FUT9: variants seen among roughly 807,000 people sequenced by gnomAD.
FUT9 encodes 4-galactosyl-N-acetylglucosaminide 3-alpha-L-fucosyltransferase 9.
In FUT9, 15 loss-of-function variants were observed where a neutral mutation model predicts 29.7. The ratio of observed to expected loss-of-function variants is 0.51; its 90% CI spans 0.34 to 0.78. FUT9 has a LOEUF of 0.78. Ranked by LOEUF, FUT9 falls within the 30% of genes least tolerant of loss-of-function variation. FUT9 has a pLI of 0.01. For missense variants in FUT9, 319 were observed against 425.4 expected, an observed-to-expected ratio of 0.75 and a Z score of 2.20; for synonymous variants, 169 against 153.7, an observed-to-expected ratio of 1.10 and a Z score of -0.74.
intron 2 of FUT9, among the ~76,000 whole-genome samples, chr6:96,196,084 T>C (rs6915664): frequency 0.91 from 138,834 of 152,114 alleles, 64,710 homozygotes; most frequent in Non-Finnish European, 1. Flanking sequence ...ATACTTTGGA[T>C]CCTGGAATAT....
intron 1 of FUT9, among the ~76,000 whole-genome samples, chr6:96,042,258 C>A (rs77771018): frequency 6.6e-6 from 1 of 152,108 alleles, no homozygotes; most frequent in Non-Finnish European, 1.5e-5. Flanking sequence ...TATCAGAAAC[C>A]CTAACCTTAA....
chr6:96,175,897 T>C (rs923843027), intron 2 of FUT9, among the ~76,000 whole-genome samples: 2 of 152,212 alleles, frequency 1.3e-5, no homozygotes, highest in Non-Finnish European at 2.9e-5. Flanking sequence ...AGACTGGCTT[T>C]TCATCAATGG....
At chr6:96,024,822 C>T (rs1168375792) in intron 1 of FUT9, among the ~76,000 whole-genome samples, 1 of 151,748 alleles carries the variant, frequency 6.6e-6, no homozygotes, top group East Asian at 1.9e-4. Context: ...CAATCCAGGC[C>T]ATTAAGAGCC....
chr6:96,179,131 T>C (rs899933742), intron 2 of FUT9, among the ~76,000 whole-genome samples: 2 of 152,152 alleles, frequency 1.3e-5, no homozygotes, highest in Admixed American at 6.6e-5. Context: ...CATCCCGTAT[T>C]GTATATGACC....
At chr6:96,096,684 A>ATTGTGTGTGTGTGTGTG (rs1554192320) in intron 1 of FUT9, among the ~76,000 whole-genome samples, 5 of 140,766 alleles carry the variant, frequency 3.6e-5, no homozygotes, top group Non-Finnish European at 6.1e-5. Context: ...TGTCTAAGGC[A>ATTGTGTGTGTGTGTGTG]TGTGTGTGTG....
chr6:96,089,433 G>A (rs1771374443), intron 1 of FUT9, among the ~76,000 whole-genome samples: 2 of 152,210 alleles, frequency 1.3e-5, no homozygotes, highest in South Asian at 4.2e-4. Flanking sequence ...GAAGTTATAG[G>A]GCTTGTTTGC....
In FUT9 at chr6:96,164,167, A is replaced by G. The variant is rs751450391; in HGVS notation, c.-8-38981A>G. Among the ~76,000 whole-genome samples the G allele has an allele frequency of 1.1e-4, 17 of 151,850 alleles. No homozygotes were observed. In the South Asian group the frequency reaches 2.5e-3, roughly 22 times the overall value. The stretch of plus-strand genomic sequence containing the variant: ...TGTATTCAAAGATTTTCTGAATAGC[A>G]ATTGGATGAAAGAGTTTCTCTAAAG... On this transcript the variant is annotated intron_variant, in intron 2 of 2. Coordinates refer to ENST00000302103, the MANE Select transcript of FUT9 (RefSeq NM_006581.4).
chr6:96,209,445 ACT>A lies in FUT9; in HGVS notation c.*5211_*5212del, dbSNP rs1247075792. 1 of 166,888 alleles carries A rather than the reference ACT, an allele frequency of 6.0e-6. No homozygotes were observed. The highest frequency in any genetic ancestry group is 1.5e-5 in the Non-Finnish European group (1 of 68,046). 10.3% of individuals were successfully genotyped at this position (166,888 alleles called of 1,614,324 possible). A position where few individuals can be genotyped will look rare whatever the true frequency, so the allele number is the denominator to read the frequency against. On this transcript the variant is annotated 3_prime_UTR_variant, in exon 3 of 3. Coordinates refer to ENST00000302103, the MANE Select transcript of FUT9 (RefSeq NM_006581.4). ...TCTATGACTTTTGAACTCACTGCTC[ACT>A]GACATCTTAATTGCCTGCAGAAAAA... is the stretch of plus-strand genomic sequence containing the variant.
intron 2 of FUT9, among the ~76,000 whole-genome samples, chr6:96,114,481 A>G (rs946050950): frequency 1.3e-5 from 2 of 151,804 alleles, no homozygotes; most frequent in African/African-American, 2.4e-5. Flanking sequence ...TTATGTTCTC[A>G]ATATAATTTG....
In FUT9 at chr6:96,212,975, TG is replaced by T. The variant is rs1773967881; in HGVS notation, c.*8741del. The T allele has an allele frequency of 6.0e-6, 1 of 166,950 alleles. No individual in the cohort carries two copies. The highest frequency in any genetic ancestry group is 1.9e-4 in the East Asian group (1 of 5,206). The allele number at this position is 166,950 out of a possible 1,614,324, so 10.3% of individuals were successfully genotyped here. A position where few individuals can be genotyped will look rare whatever the true frequency, so the allele number is the denominator to read the frequency against. On this transcript the variant is annotated 3_prime_UTR_variant, in exon 3 of 3. Transcript: ENST00000302103. ...AGATTTTTAATCTGTAAAAGGAGTG[TG>T]ATGGACTGTACATTAGAAGTACCTG...
chr6:96,203,790 G>A lies in FUT9; in HGVS notation c.635G>A (p.Ser212Asn), dbSNP rs752800996. 5 of 1,613,814 alleles carry A rather than the reference G, an allele frequency of 3.1e-6. No individual in the cohort carries two copies. Among genetic ancestry groups the A allele is most frequent in the East Asian group, 2.2e-5 (1 of 44,862 alleles). ...AAGTATTACAATGAGCTAAGCAAAAGCATTGAAATCCATACCTACGGGCAA... is the reference window on the plus strand; with the variant it reads ...AAGTATTACAATGAGCTAAGCAAAAACATTGAAATCCATACCTACGGGCAA... ...RVKYYNELSK[S>N]IEIHTYGQAF... Residue 212 changes from serine to asparagine, a missense_variant, in exon 3 of 3, where the codon AGC becomes AAC. By Grantham distance (46) the Ser-to-Asn change is conservative (BLOSUM62 1). Transcript: ENST00000302103.
At chr6:96,080,556 A>G (rs1387331417) in intron 1 of FUT9, among the ~76,000 whole-genome samples, 3 of 152,046 alleles carry the variant, frequency 2.0e-5, no homozygotes, top group Non-Finnish European at 4.4e-5. Context: ...TGGGAAAATT[A>G]TGATAAAAAT....
chr6:96,183,944 G>A (rs60268488), intron 2 of FUT9, among the ~76,000 whole-genome samples: 63,528 of 151,812 alleles, frequency 0.42, 14,320 homozygotes, highest in South Asian at 0.71. Context: ...GTATTAGGGT[G>A]ATACTGGCTT....
chr6:96,099,458 C>A (rs973980145), intron 1 of FUT9, among the ~76,000 whole-genome samples: 12 of 151,802 alleles, frequency 7.9e-5, no homozygotes, highest in Admixed American at 2.6e-4. Context: ...TTTTGTATTT[C>A]TTTTTAAAAG....
At chr6:96,078,420 T>C (rs1465970287) in intron 1 of FUT9, among the ~76,000 whole-genome samples, 3 of 97,360 alleles carry the variant, frequency 3.1e-5, no homozygotes, top group Non-Finnish European at 6.7e-5. Context: ...TTTTTTTTTT[T>C]TTTTTTTTTT....
At chr6:96,019,833 A>G (rs1417516646) in intron 1 of FUT9, among the ~76,000 whole-genome samples, 2 of 152,118 alleles carry the variant, frequency 1.3e-5, no homozygotes, top group African/African-American at 2.4e-5. Context: ...CTGTTACTCT[A>G]CTAATGACTT....
chr6:96,153,588 A>G (rs1772722340), intron 2 of FUT9, among the ~76,000 whole-genome samples: 2 of 152,194 alleles, frequency 1.3e-5, no homozygotes, highest in African/African-American at 4.8e-5. Flanking sequence ...TTTCTGCTAC[A>G]ATGGTATCTG....
intron 1 of FUT9, among the ~76,000 whole-genome samples, chr6:96,049,162 G>A (rs1385945133): frequency 4.6e-5 from 7 of 152,150 alleles, no homozygotes; most frequent in South Asian, 4.1e-4. Context: ...AAGTCAGAAA[G>A]TAATGGATAG....
At chr6:96,146,656 A>G (rs1772572818) in intron 2 of FUT9, among the ~76,000 whole-genome samples, 1 of 152,248 alleles carries the variant, frequency 6.6e-6, no homozygotes, top group Non-Finnish European at 1.5e-5. Flanking sequence ...AAGAAGGCAA[A>G]GGGATATCTC....
Sources: allele counts gnomAD v4.1 joint callset (sites outside exome capture counted in the v4.1 genomes callset), GRCh38; gene constraint gnomAD v4.1.1; transcripts MANE v1.5; gene names NCBI Gene and HGNC (gene_info 2026-07-23, HGNC 2026-07-21).